The following KDM5B variants were observed in gnomAD, a reference collection of about 807,000 sequenced individuals.
The protein encoded by KDM5B is lysine-specific demethylase 5B.
KDM5B carries 144 observed loss-of-function variants against 193.4 expected under a neutral mutation model. The observed-to-expected ratio is 0.74, with a 90% CI of 0.65 to 0.86. The LOEUF (loss-of-function observed/expected upper bound fraction) is 0.86. KDM5B is among the 40% of genes least tolerant of loss of function. The pLI, the probability that KDM5B is intolerant of heterozygous loss-of-function variation, is 0.00. For missense variants in KDM5B, 1,833 were observed against 1,886.9 expected, an observed-to-expected ratio of 0.97 and a Z score of 0.53; for synonymous variants, 668 against 682.6, an observed-to-expected ratio of 0.98 and a Z score of 0.33.
At chr1:202,787,722 TAAAAAA>T (rs572469409) in intron 1 of KDM5B, among the ~76,000 whole-genome samples, 1 of 145,396 alleles carries the variant, frequency 6.9e-6, no homozygotes, top group East Asian at 2.0e-4. Flanking sequence ...GTCTCTACTT[TAAAAAA>T]AAAAAATACA....
chr1:202,729,310 TA>T (rs1654787377), intron 26 of KDM5B, 137 bp from the exon 27 acceptor site: 1 of 891,600 alleles, frequency 1.1e-6, no homozygotes, highest in Admixed American at 2.2e-5. Context: ...GCACAACAGC[TA>T]AGCCAAATGA....
Position 202,741,463 on chromosome 1 carries a change from G to A in KDM5B, c.2849C>T (p.Pro950Leu), listed in dbSNP as rs1430157030. The A allele has an allele frequency of 2.5e-6, 4 of 1,613,590 alleles. No homozygotes were observed. The highest frequency in any genetic ancestry group is 3.4e-6 in the Non-Finnish European group (4 of 1,179,708). Residue 950 changes from proline to leucine, a missense_variant, in exon 19 of 27, where the codon CCG (proline) becomes CTG (leucine). By Grantham distance (98) the Pro-to-Leu change is moderately conservative. Coordinates refer to ENST00000367265, the MANE Select transcript of KDM5B (RefSeq NM_006618.5). ...RLIDLGVGLAPYSAVEKAMAR... is the reference protein window; with the variant it reads ...RLIDLGVGLALYSAVEKAMAR... Reference sequence around the variant, plus strand: ...CATAGCTTTCTCCACTGCTGAATACGGGGCCAGCCCTACCCCTAGGTCTAT... The same window carrying A: ...CATAGCTTTCTCCACTGCTGAATACAGGGCCAGCCCTACCCCTAGGTCTAT...
Position 202,724,596 on chromosome 1 carries a change from A to G in KDM5B, c.*4440T>C, listed in dbSNP as rs1654614985. 1 of 152,214 alleles carries G rather than the reference A, an allele frequency of 6.6e-6. No homozygotes were observed. Among genetic ancestry groups the G allele is most frequent in the Non-Finnish European group, 1.5e-5 (1 of 68,032 alleles). 9.4% of individuals were successfully genotyped at this position (152,214 alleles called of 1,614,324 possible). A position where few individuals can be genotyped will look rare whatever the true frequency, so the allele number is the denominator to read the frequency against. ...TATGAATGAAGGCCCTCATCCCCAAACTAATTTTTCTCAATTTTAGTGTTT... is the reference window on the plus strand; with the variant it reads ...TATGAATGAAGGCCCTCATCCCCAAGCTAATTTTTCTCAATTTTAGTGTTT... On this transcript the variant is annotated 3_prime_UTR_variant, in exon 27 of 27. Coordinates refer to ENST00000367265, the MANE Select transcript of KDM5B (RefSeq NM_006618.5).
intron 4 of KDM5B, 138 bp from the exon 5 acceptor site, chr1:202,767,198 A>G (rs1211393093): frequency 1.9e-6 from 3 of 1,552,212 alleles, no homozygotes; most frequent in South Asian, 1.1e-5. Context: ...AATACTCTTC[A>G]TATCTGTTAA....
chr1:202,746,408 TG>T, intron 14 of KDM5B, 85 bp from the exon 15 acceptor site: 7 of 690,558 alleles, frequency 1.0e-5, no homozygotes, highest in Non-Finnish European at 1.5e-5. Context: ...TACTTGAGTC[TG>T]AAAAAAAAAA....
At chr1:202,748,210 A>G (rs1175036480) in intron 14 of KDM5B, among the ~76,000 whole-genome samples, 1 of 152,240 alleles carries the variant, frequency 6.6e-6, no homozygotes. Flanking sequence ...CACATGCAAA[A>G]AAATGAACCT....
intron 1 of KDM5B, among the ~76,000 whole-genome samples, chr1:202,800,010 T>A (rs1290098593): frequency 2.0e-5 from 3 of 152,218 alleles, no homozygotes; most frequent in Admixed American, 2.0e-4. Flanking sequence ...CAAATTCTCA[T>A]TTCCCTAAAA....
chr1:202,735,714 G>A, intron 21 of KDM5B, 127 bp from the exon 22 acceptor site: 1 of 812,314 alleles, frequency 1.2e-6, no homozygotes, highest in Non-Finnish European at 1.9e-6. Flanking sequence ...GATTTTCTTT[G>A]GAACATGCAA....
At chr1:202,785,877 C>G (rs1304792609) in intron 1 of KDM5B, among the ~76,000 whole-genome samples, 1 of 150,736 alleles carries the variant, frequency 6.6e-6, no homozygotes, top group Non-Finnish European at 1.5e-5. Context: ...CCACTTCATT[C>G]CAGCCTGGGC....
At chr1:202,735,327 C>A in intron 22 of KDM5B, 102 bp downstream of exon 22, 1 of 1,270,104 alleles carries the variant, frequency 7.9e-7, no homozygotes. Context: ...TGAACGCTTT[C>A]AAGTTACTCT....
chr1:202,760,640 G>A (rs1015434391), intron 7 of KDM5B, 67 bp from the exon 8 acceptor site: 50 of 1,176,246 alleles, frequency 4.3e-5, no homozygotes, highest in Non-Finnish European at 5.4e-5. Flanking sequence ...TAAAATTCTA[G>A]AAATGAAATG....
At chr1:202,796,759 G>T in intron 1 of KDM5B, 1 of 171,500 alleles carries the variant, frequency 5.8e-6, no homozygotes, top group East Asian at 1.3e-4. Context: ...TCAGGCCAAA[G>T]GAACTCCATG....
intron 11 of KDM5B, among the ~76,000 whole-genome samples, chr1:202,753,401 A>G (rs1655874867): frequency 6.6e-6 from 1 of 152,168 alleles, no homozygotes; most frequent in Non-Finnish European, 1.5e-5. Context: ...AGGCTGAGGC[A>G]GAAGATTCAC....
At chr1:202,796,137 AG>A (rs745665904) in intron 1 of KDM5B, 1 of 204,614 alleles carries the variant, frequency 4.9e-6, no homozygotes, top group African/African-American at 2.4e-5. Flanking sequence ...ACATGGTGGA[AG>A]GTCCATTTGC....
chr1:202,777,540 C>T (rs1288519806), intron 1 of KDM5B, among the ~76,000 whole-genome samples: 1 of 151,756 alleles, frequency 6.6e-6, no homozygotes, highest in Non-Finnish European at 1.5e-5. Context: ...GTTGCCCAGG[C>T]TTAAGTGCAG....
chr1:202,746,379 C>T (rs922566806), intron 14 of KDM5B, 56 bp from the exon 15 acceptor site: 21 of 1,110,694 alleles, frequency 1.9e-5, no homozygotes, highest in Non-Finnish European at 2.5e-5. Context: ...TCCACCAGCC[C>T]AAGACAAACA....
At chr1:202,733,341 G>A (rs192249309) in intron 23 of KDM5B, 60 bp downstream of exon 23, 20 of 1,555,680 alleles carry the variant, frequency 1.3e-5, no homozygotes, top group South Asian at 2.5e-5. Context: ...CTACAGGTTC[G>A]AGAGAAAGGT....
intron 13 of KDM5B, 61 bp downstream of exon 13, chr1:202,750,598 A>G (rs889287027): frequency 1.3e-6 from 2 of 1,573,080 alleles, no homozygotes; most frequent in Non-Finnish European, 1.7e-6. Flanking sequence ...AAAACATTAT[A>G]TTCCATTTCC....
Position 202,735,406 on chromosome 1 carries a change from GAGA to G in KDM5B, c.3423+20_3423+22del. 3 of 1,594,874 alleles carry G rather than the reference GAGA, an allele frequency of 1.9e-6. No individual in the cohort carries two copies. Among genetic ancestry groups the G allele is most frequent in the Non-Finnish European group, 2.6e-6 (3 of 1,172,180 alleles). On this transcript the variant is annotated intron_variant, in intron 22 of 26. Coordinates refer to ENST00000367265, the MANE Select transcript of KDM5B (RefSeq NM_006618.5). ...TTATTCTTCCCAATAACATAGAAAG[GAGA>G]AGAAAAAAACCCTACATACAGCTGA...
Sources: gnomAD v4.1 joint callset for allele counts (sites outside exome capture counted in the v4.1 genomes callset) on GRCh38, gnomAD v4.1.1 for gene constraint, MANE v1.5 for transcripts, NCBI Gene and HGNC (gene_info 2026-07-23, HGNC 2026-07-21) for gene names.